The following PLA2R1 variants were observed in gnomAD, a reference collection of about 807,000 sequenced individuals.
The protein encoded by PLA2R1 is phospholipase A2 receptor 1, also known as secretory phospholipase A2 receptor.
A neutral mutation model predicts 195.9 loss-of-function variants in PLA2R1; 158 were observed. The observed-to-expected ratio is 0.81, with a 90% CI of 0.71 to 0.92. The LOEUF (loss-of-function observed/expected upper bound fraction) is 0.92, where lower values mean the gene tolerates loss of function less well. Ranked by LOEUF, PLA2R1 falls within the 40% of genes least tolerant of loss-of-function variation. The pLI, the probability that PLA2R1 is intolerant of heterozygous loss-of-function variation, is 0.00. For missense variants in PLA2R1, 1,626 were observed against 1,764.6 expected (o/e 0.92, Z 1.41); for synonymous variants, 586 against 598.2 (o/e 0.98, Z 0.30).
chr2:159,977,886 CA>C (rs1560169452), intron 14 of PLA2R1, among the ~76,000 whole-genome samples: 1 of 151,996 alleles, frequency 6.6e-6, no homozygotes, highest in African/African-American at 2.4e-5. Context: ...GCCGAAATCC[CA>C]CCACTGCACT....
At chr2:159,970,718 C>T (rs1333458661) in intron 17 of PLA2R1, among the ~76,000 whole-genome samples, 1 of 152,088 alleles carries the variant, frequency 6.6e-6, no homozygotes, top group Non-Finnish European at 1.5e-5. Context: ...TAGAGAGACA[C>T]AATATAGGAC....
intron 25 of PLA2R1, 127 bp downstream of exon 25, chr2:159,949,481 C>T (rs1008163817): frequency 1.2e-5 from 7 of 608,638 alleles, no homozygotes; most frequent in African/African-American, 3.7e-5. Flanking sequence ...ACATCACCAA[C>T]CAGACCAGAG....
At position 160,062,532 on chromosome 2, in the gene PLA2R1, C is replaced by G. The variant is rs62175520; in HGVS notation, c.-129G>C. 1.4e-6 allele frequency: 2 copies of G among 1,388,592 alleles called. No individual in the cohort carries two copies. Among genetic ancestry groups the G allele is most frequent in the Non-Finnish European group, 1.9e-6 (2 of 1,076,656 alleles). 86.0% of individuals were successfully genotyped at this position (1,388,592 alleles called of 1,614,324 possible). ...TCCGTAGCCTCCTCCGCGCCCCACC[C>G]CCTCCGGGGGCCTTGCCAGCCCAGA... On this transcript the variant is annotated 5_prime_UTR_variant, in exon 1 of 30. Coordinates refer to ENST00000283243, the MANE Select transcript of PLA2R1 (RefSeq NM_007366.5).
chr2:159,956,383 G>C (rs151008180), intron 21 of PLA2R1, 127 bp downstream of exon 21: 4 of 668,562 alleles, frequency 6.0e-6, no homozygotes, highest in Non-Finnish European at 1.1e-5. Context: ...CTGCAAACTC[G>C]TGTATCATCA....
intron 1 of PLA2R1, among the ~76,000 whole-genome samples, chr2:160,056,806 C>A (rs1184438977): frequency 1.3e-5 from 2 of 152,148 alleles, no homozygotes; most frequent in African/African-American, 4.8e-5. Flanking sequence ...ATCTGGTTCC[C>A]CTTTGTGCAA....
At chr2:159,980,502 C>A (rs1326947704) in intron 13 of PLA2R1, among the ~76,000 whole-genome samples, 1 of 152,154 alleles carries the variant, frequency 6.6e-6, no homozygotes, top group African/African-American at 2.4e-5. Context: ...AAGTCAACCA[C>A]CATCATCTTC....
At chr2:159,979,092 T>C (rs1447738656) in intron 14 of PLA2R1, among the ~76,000 whole-genome samples, 1 of 152,186 alleles carries the variant, frequency 6.6e-6, no homozygotes, top group Non-Finnish European at 1.5e-5. Context: ...AGCAGTTGCA[T>C]TAAATTCTCA....
At chr2:160,005,472 AAAAT>A (rs1328324652) in intron 11 of PLA2R1, among the ~76,000 whole-genome samples, 176 bp downstream of exon 11, 1 of 151,010 alleles carries the variant, frequency 6.6e-6, no homozygotes, top group African/African-American at 2.4e-5. Flanking sequence ...ACAAACAAAT[AAAAT>A]AAATAAAAAC....
intron 1 of PLA2R1, among the ~76,000 whole-genome samples, chr2:160,058,342 A>G (rs866259826): frequency 1.3e-5 from 2 of 151,988 alleles, no homozygotes; most frequent in Admixed American, 1.3e-4. Context: ...AAGCACACTG[A>G]CCACACACTC....
intron 17 of PLA2R1, among the ~76,000 whole-genome samples, chr2:159,974,565 G>C (rs1036158807): frequency 7.2e-5 from 11 of 152,190 alleles, no homozygotes; most frequent in African/African-American, 2.7e-4. Context: ...GAGGTGAGGA[G>C]TATGGTGTCT....
intron 10 of PLA2R1, among the ~76,000 whole-genome samples, chr2:160,007,924 A>C (rs1197271237): frequency 6.6e-6 from 1 of 152,266 alleles, no homozygotes; most frequent in Non-Finnish European, 1.5e-5. Flanking sequence ...AGGAACCCTG[A>C]ATAGCCAATA....
chr2:159,946,455 CTT>C, intron 27 of PLA2R1: 1 of 1,005,384 alleles, frequency 9.9e-7, no homozygotes, highest in Non-Finnish European at 1.2e-6. Context: ...CTCTATTGTG[CTT>C]TTATAACATT....
At chr2:159,952,522 C>T (rs1187915005) in intron 23 of PLA2R1, among the ~76,000 whole-genome samples, 2 of 152,146 alleles carry the variant, frequency 1.3e-5, no homozygotes, top group Non-Finnish European at 2.9e-5. Flanking sequence ...TTTCTGTGTA[C>T]TGGTTTTACT....
chr2:159,987,310 C>A lies in PLA2R1; in HGVS notation c.1883G>T (p.Arg628Leu), dbSNP rs768761126. 1.3e-5 allele frequency: 21 copies of A among 1,612,350 alleles called. No individual in the cohort carries two copies. Among genetic ancestry groups the A allele is most frequent in the Non-Finnish European group, 1.8e-5 (21 of 1,179,908 alleles). Residue 628 changes from arginine to leucine, a missense_variant, in exon 12 of 30, where the codon CGC becomes CTC. By Grantham distance (102) the Arg-to-Leu change is moderately radical (BLOSUM62 -2). Transcript: ENST00000283243. The part of the protein sequence containing the change: ...VAMRGRHPLG[R>L]WEVKHCRHFK... ...GTGCCGACAGTGCTTCACTTCCCAGCGACCAAGTGGATGCCTTCCTCGCAT... is the reference window on the plus strand; with the variant it reads ...GTGCCGACAGTGCTTCACTTCCCAGAGACCAAGTGGATGCCTTCCTCGCAT...
At chr2:159,999,691 T>C (rs982225253) in intron 11 of PLA2R1, among the ~76,000 whole-genome samples, 1 of 152,164 alleles carries the variant, frequency 6.6e-6, no homozygotes, top group Admixed American at 6.6e-5. Context: ...TCCCTTGTCA[T>C]ACAAATGCCT....
the PLA2R1 span, among the ~76,000 whole-genome samples, chr2:159,924,728 C>T: frequency 3.2e-5 from 1 of 31,156 alleles, no homozygotes; most frequent in South Asian, 2.2e-3. Flanking sequence ...ACTCTGGGGG[C>T]TGGGGGGGGG....
At chr2:159,946,703 C>T (rs1412728611) in intron 27 of PLA2R1, 98 bp downstream of exon 27, 53 of 1,443,032 alleles carry the variant, frequency 3.7e-5, no homozygotes, top group East Asian at 8.0e-5. Context: ...TCTCAGAAAA[C>T]GTATCCAAGG....
intron 14 of PLA2R1, 74 bp downstream of exon 14, chr2:159,979,756 T>C: frequency 1.3e-6 from 1 of 760,320 alleles, no homozygotes; most frequent in Non-Finnish European, 2.3e-6. Context: ...TAGGTTCTCT[T>C]GGTTGGTTTA....
intron 1 of PLA2R1, among the ~76,000 whole-genome samples, chr2:160,061,433 G>C (rs893039599): frequency 6.6e-6 from 1 of 152,162 alleles, no homozygotes. Flanking sequence ...AAAGGCTTCA[G>C]ATCACGCAGT....
Sources: gnomAD v4.1 joint callset for allele counts (sites outside exome capture counted in the v4.1 genomes callset) on GRCh38, gnomAD v4.1.1 for gene constraint, MANE v1.5 for transcripts, NCBI Gene and HGNC (gene_info 2026-07-23, HGNC 2026-07-21) for gene names.